The following NSD3 variants were observed in gnomAD, a reference collection of about 807,000 sequenced individuals.
The protein encoded by NSD3 is histone-lysine N-methyltransferase NSD3.
NSD3 carries 24 observed loss-of-function variants against 160.8 expected under a neutral mutation model. The observed-to-expected ratio is 0.15, with a 90% CI of 0.11 to 0.21. NSD3 has a LOEUF of 0.21. Among genes scored for constraint, NSD3 ranks in the 10% least tolerant of loss-of-function variants. The probability of loss-of-function intolerance (pLI) is 1.00; values close to 1 mark genes in which losing one functional copy is unlikely to be tolerated. For missense variants in NSD3, 1,157 were observed against 1,735.9 expected, an observed-to-expected ratio of 0.67 and a Z score of 5.93; for synonymous variants, 520 against 600.0, an observed-to-expected ratio of 0.87 and a Z score of 1.95.
chr8:38,276,619 A>G, intron 22 of NSD3, 119 bp from the exon 23 acceptor site: 2 of 1,017,746 alleles, frequency 2.0e-6, no homozygotes, highest in South Asian at 1.6e-5. Context: ...TTACCTAAAA[A>G]CATCAGGAGG....
chr8:38,320,366 C>CA, intron 8 of NSD3: 1 of 151,692 alleles, frequency 6.6e-6, no homozygotes, highest in Non-Finnish European at 1.5e-5. Context: ...TATTCTTTAA[C>CA]AAAAAAATTA....
At chr8:38,335,854 G>A (rs1458881090) in intron 4 of NSD3, 2 of 152,334 alleles carry the variant, frequency 1.3e-5, no homozygotes, top group African/African-American at 4.8e-5. Context: ...TTGCTGCTAT[G>A]AGGATTGGAT....
intron 15 of NSD3, among the ~76,000 whole-genome samples, chr8:38,297,793 T>C (rs1809189551): frequency 6.6e-6 from 1 of 152,102 alleles, no homozygotes; most frequent in Non-Finnish European, 1.5e-5. Context: ...AATTTGTCTA[T>C]AAATTTAAAG....
In NSD3 at chr8:38,325,830, C is replaced by G. The variant is rs1210327361; in HGVS notation, c.1708+900G>C. Among the ~76,000 whole-genome samples the G allele has an allele frequency of 2.7e-5, 4 of 149,746 alleles. No individual in the cohort carries two copies. In the Admixed American group the frequency reaches 2.7e-4, roughly 10 times the overall value. On this transcript the variant is annotated intron_variant, in intron 7 of 23. Coordinates refer to ENST00000317025, the MANE Select transcript of NSD3 (RefSeq NM_023034.2). Reference sequence around the variant, plus strand: ...CATGATCGTACCATTGTACTCCACTCTGCATGACAGAGTGAGACCCCGTCT... The same window carrying G: ...CATGATCGTACCATTGTACTCCACTGTGCATGACAGAGTGAGACCCCGTCT...
intron 20 of NSD3, 131 bp from the exon 21 acceptor site, chr8:38,279,812 G>T: frequency 1.0e-6 from 1 of 965,936 alleles, no homozygotes; most frequent in Non-Finnish European, 1.5e-6. Flanking sequence ...ATCAGGAAAT[G>T]TGAGGCTGCC....
At chr8:38,315,354 GTCT>G in intron 11 of NSD3, 59 bp downstream of exon 11, 1 of 1,471,110 alleles carries the variant, frequency 6.8e-7, no homozygotes, top group South Asian at 1.4e-5. Flanking sequence ...CAGGAGTTAA[GTCT>G]ATTACTGGCA....
intron 19 of NSD3, among the ~76,000 whole-genome samples, chr8:38,283,086 A>G (rs1380969895): frequency 6.6e-6 from 1 of 152,224 alleles, no homozygotes; most frequent in Non-Finnish European, 1.5e-5. Flanking sequence ...TCCCACCAGC[A>G]GTTCATGAGA....
intron 7 of NSD3, among the ~76,000 whole-genome samples, chr8:38,322,131 A>G (rs1809806589): frequency 2.6e-5 from 4 of 152,112 alleles, no homozygotes; most frequent in Admixed American, 2.6e-4. Flanking sequence ...TAGAAGCTCT[A>G]TCTATAAAGC....
intron 4 of NSD3, among the ~76,000 whole-genome samples, chr8:38,333,634 G>A (rs1194775988): frequency 5.9e-5 from 9 of 152,076 alleles, no homozygotes; most frequent in Admixed American, 2.6e-4. Flanking sequence ...TTGGGAGGCC[G>A]AGGCGGGTGG....
chr8:38,295,185 T>C (rs377521668), intron 16 of NSD3, among the ~76,000 whole-genome samples: 1 of 119,156 alleles, frequency 8.4e-6, no homozygotes, highest in African/African-American at 3.2e-5. Flanking sequence ...AAAAAAAAAA[T>C]CATCTCCACT....
intron 20 of NSD3, 157 bp from the exon 21 acceptor site, chr8:38,279,838 G>A (rs1447036571): frequency 2.8e-6 from 2 of 719,068 alleles, no homozygotes; most frequent in Non-Finnish European, 4.4e-6. Context: ...AATTTACTAA[G>A]TTCTCTCCTT....
rs1274545282 is a variant in NSD3 at position 38,314,831 on chromosome 8, G to C, written c.2116-58C>G. On this transcript the variant is annotated intron_variant, in intron 11 of 23. Transcript: ENST00000317025. ...CTTTGGCAAACATCAAGACCACATGGGCGGCTTGTTAAACACAAATTACCG... is the reference window on the plus strand; with the variant it reads ...CTTTGGCAAACATCAAGACCACATGCGCGGCTTGTTAAACACAAATTACCG... 4 of 1,561,804 alleles carry C rather than the reference G, an allele frequency of 2.6e-6. No homozygotes were observed. In the East Asian group the frequency reaches 7.0e-5, roughly 27 times the overall value.
intron 12 of NSD3, among the ~76,000 whole-genome samples, chr8:38,313,242 T>C (rs2131018553): frequency 6.6e-6 from 1 of 152,236 alleles, no homozygotes; most frequent in East Asian, 1.9e-4. Context: ...TGAATGTGTA[T>C]TGGGATATAT....
rs897995642 is a variant in NSD3 at position 38,288,207 on chromosome 8, TA to T, written c.3501+279del. 5.5e-4 allele frequency among the ~76,000 whole-genome samples: 84 copies of T among 151,660 alleles called. No individual in the cohort carries two copies. The highest frequency in any genetic ancestry group is 1.5e-3 in the African/African-American group (63 of 41,364). Reference sequence around the variant, plus strand: ...TTAAAAGAAAATAAAAATAAAACAATAAAAAAAACAAGTAAAAACCATTTCA... The same window carrying T: ...TTAAAAGAAAATAAAAATAAAACAATAAAAAAACAAGTAAAAACCATTTCA... On this transcript the variant is annotated intron_variant, in intron 19 of 23. Coordinates refer to ENST00000317025, the MANE Select transcript of NSD3 (RefSeq NM_023034.2). The surrounding 1 kb of genome is among the most constrained non-coding windows in gnomAD (Gnocchi z 4.5).
At chr8:38,295,496 G>A (rs1222477944) in intron 16 of NSD3, among the ~76,000 whole-genome samples, 1 of 152,022 alleles carries the variant, frequency 6.6e-6, no homozygotes, top group Non-Finnish European at 1.5e-5. Context: ...AGCAGGTGGA[G>A]GGTGCAGTGA....
chr8:38,368,477 A>AC (rs1563370686), intron 1 of NSD3, among the ~76,000 whole-genome samples: 1 of 152,210 alleles, frequency 6.6e-6, no homozygotes. Context: ...ACAAAAAAGA[A>AC]AACAACAACA....
chr8:38,274,770 C>T lies in NSD3; in HGVS notation c.*871G>A, dbSNP rs1808558533. On this transcript the variant is annotated 3_prime_UTR_variant, in exon 24 of 24. Coordinates refer to ENST00000317025, the MANE Select transcript of NSD3 (RefSeq NM_023034.2). The stretch of plus-strand genomic sequence containing the variant: ...CCAAATTTTGGTTTATGCCTTCATC[C>T]CCCTTTAGCTGCCTTAATCAGTGTC... 1 of 162,802 alleles carries T rather than the reference C, an allele frequency of 6.1e-6. No individual in the cohort carries two copies. Among genetic ancestry groups the T allele is most frequent in the Non-Finnish European group, 1.3e-5 (1 of 74,226 alleles). The allele number at this position is 162,802 out of a possible 1,614,324, so 10.1% of individuals were successfully genotyped here.
At chr8:38,341,000 A>G (rs1585902868) in intron 2 of NSD3, among the ~76,000 whole-genome samples, 1 of 152,034 alleles carries the variant, frequency 6.6e-6, no homozygotes, top group Non-Finnish European at 1.5e-5. Flanking sequence ...CAGTACCTAA[A>G]AACAACAAAT....
chr8:38,328,170 G>A (rs1169192230), intron 6 of NSD3, among the ~76,000 whole-genome samples: 1 of 152,146 alleles, frequency 6.6e-6, no homozygotes, highest in African/African-American at 2.4e-5. Context: ...GGGCCACAGA[G>A]TGAGACCTCA....
Sources: allele counts gnomAD v4.1 joint callset (sites outside exome capture counted in the v4.1 genomes callset), GRCh38; gene constraint gnomAD v4.1.1; non-coding constraint Gnocchi (gnomAD v3.1); transcripts MANE v1.5; gene names NCBI Gene and HGNC (gene_info 2026-07-23, HGNC 2026-07-21).